Variants in ASMT observed in about 807,000 individuals in gnomAD.
The protein encoded by ASMT is acetylserotonin N-methyltransferase.
Under a neutral mutation model 41.3 loss-of-function variants are expected in ASMT, and 53 were observed. That is an observed-to-expected ratio of 1.28 (90% CI 1.03 to 1.61). The LOEUF (loss-of-function observed/expected upper bound fraction) is 1.61. Ranked by LOEUF, ASMT falls within the 40% of genes most tolerant of loss-of-function variation. The pLI is 0.00. For synonymous variants in ASMT, 231 were observed against 184.8 expected (o/e 1.25, Z -2.03); for missense variants, 531 against 441.3 (o/e 1.20, Z -1.82).
chrX:1,628,932 T>TTC (rs202119062), intron 4 of ASMT, among the ~76,000 whole-genome samples: 2,921 of 146,178 alleles, frequency 0.02, 79 homozygotes, highest in African/African-American at 0.07. Context: ...CTCTCTTTCT[T>TTC]TCTCTCTCTC....
intron 1 of ASMT, 113 bp from the exon 2 acceptor site, chrX:1,623,026 A>T: frequency 1.0e-6 from 1 of 988,054 alleles, no homozygotes. Context: ...AATGAATAAG[A>T]ATATAAATAA....
chrX:1,635,146 T>G (rs1361631946), intron 7 of ASMT, among the ~76,000 whole-genome samples: 3 of 150,224 alleles, frequency 2.0e-5, no homozygotes, highest in African/African-American at 7.4e-5. Flanking sequence ...AGCTAATTTT[T>G]TTTTTTTTTT....
At position 1,637,012 on chromosome X, in the gene ASMT, G is replaced by A. The variant is rs866238180; in HGVS notation, c.910+452G>A. Among the ~76,000 whole-genome samples the A allele has an allele frequency of 2.4e-4, 15 of 62,118 alleles. 1 individual carries two copies. The highest frequency in any genetic ancestry group is 8.1e-3 in the Middle Eastern group (1 of 124). 40.8% of individuals were successfully genotyped at this position (62,118 alleles called of 152,430 possible). A position where few individuals can be genotyped will look rare whatever the true frequency, so the allele number is the denominator to read the frequency against. On this transcript the variant is annotated intron_variant, in intron 8 of 8. Transcript: ENST00000381241. ...ACAGCCTCTGTGTGTGATGGGGACA[G>A]TGTCCCAGCTCTCCTGTGAGGTCCA...
rs199983242 is a variant in ASMT, at chrX:1,636,526, C to T, written c.876C>T (p.His292=). The T allele has an allele frequency of 1.2e-6, 2 of 1,613,814 alleles. No homozygotes were observed. Among genetic ancestry groups the T allele is most frequent in the East Asian group, 2.2e-5 (1 of 44,878 alleles). The change falls in exon 8 of 9, where the codon CAC becomes CAT. Residue 292 remains histidine (H), a synonymous_variant. Transcript: ENST00000381241. The part of the protein sequence containing the change: ...LHDWADGKCS[H]LLERIYHTCK... ...ACTGGGCAGACGGAAAGTGCTCACACCTGCTGGAGAGGATCTACCACACTT... is the reference window on the plus strand; with the variant it reads ...ACTGGGCAGACGGAAAGTGCTCACATCTGCTGGAGAGGATCTACCACACTT...
At chrX:1,621,117 G>C (rs183805105) in intron 1 of ASMT, among the ~76,000 whole-genome samples, 1 of 152,028 alleles carries the variant, frequency 6.6e-6, no homozygotes, top group Admixed American at 6.6e-5. Flanking sequence ...CAAACAAAAA[G>C]ATAGTGGTAG....
rs1330663748 is a variant in ASMT, at chrX:1,625,104, C to CTTTTTTTTTT, written c.374+709_374+710insTTTTTTTTTT. On this transcript the variant is annotated intron_variant, in intron 3 of 8. Transcript: ENST00000381241. Reference sequence around the variant, plus strand: ...TTTTCTTTGTTTTTTCTTTTCTTTTCTTTCTTTTTTTTTTTTTTGAGATGG... The same window carrying CTTTTTTTTTT: ...TTTTCTTTGTTTTTTCTTTTCTTTTCTTTTTTTTTTTTTCTTTTTTTTTTTTTTGAGATGG... Among the ~76,000 whole-genome samples the CTTTTTTTTTT allele has an allele frequency of 1.6e-5, 2 of 127,354 alleles. 1 individual carries two copies. The highest frequency in any genetic ancestry group is 1.7e-4 in the Admixed American group (2 of 11,682). The allele number at this position is 127,354 out of a possible 152,430, so 83.5% of individuals were successfully genotyped here.
At chrX:1,622,667 A>C (rs1418227342) in intron 1 of ASMT, among the ~76,000 whole-genome samples, 2 of 151,640 alleles carry the variant, frequency 1.3e-5, no homozygotes, top group Admixed American at 1.3e-4. Flanking sequence ...TCATCCCAGC[A>C]CTTTGGGAGG....
chrX:1,623,385 G>T, intron 2 of ASMT, 72 bp downstream of exon 2: 1 of 1,575,372 alleles, frequency 6.3e-7, no homozygotes, highest in Non-Finnish European at 8.7e-7. Flanking sequence ...TCTGTAAAAA[G>T]TGAAACAGTC....
Position 1,636,509 on chromosome X carries a change from G to A in ASMT, c.859G>A (p.Asp287Asn). The change falls in exon 8 of 9, where the codon GAC becomes AAC. Residue 287 changes from aspartate (D) to asparagine (N), a missense_variant. Asp to Asn is a conservative substitution (Grantham distance 23). Coordinates refer to ENST00000381241, the MANE Select transcript of ASMT (RefSeq NM_001171038.2). The part of the protein sequence containing the change: ...ILARVLHDWA[D>N]GKCSHLLERI... ...GGCCAGGGTCCTCCATGACTGGGCA[G>A]ACGGAAAGTGCTCACACCTGCTGGA... The A allele has an allele frequency of 1.2e-6, 2 of 1,613,952 alleles. No homozygotes were observed. The highest frequency in any genetic ancestry group is 1.7e-6 in the Non-Finnish European group (2 of 1,179,876).
In ASMT at chrX:1,615,260, G is replaced by T. The variant is rs774990880; in HGVS notation, c.61G>T (p.Val21Leu). 2 of 1,592,806 alleles carry T rather than the reference G, an allele frequency of 1.3e-6. No homozygotes were observed. Among genetic ancestry groups the T allele is most frequent in the East Asian group, 4.5e-5 (2 of 44,094 alleles). ...LLNDYANGFM[V>L]SQVLFAACEL... is the part of the protein sequence containing the mutation. The stretch of plus-strand genomic sequence containing the variant: ...TAATGACTACGCCAACGGCTTCATG[G>T]TGTCCCAGGTAGGATACGCTCTGTG... The change falls in exon 1 of 9, where the codon GTG becomes TTG. Residue 21 changes from valine (V) to leucine (L), a missense_variant. Val to Leu is a conservative substitution (Grantham distance 32). Transcript: ENST00000381241.
intron 8 of ASMT, among the ~76,000 whole-genome samples, chrX:1,641,133 GC>G (rs1192523215): frequency 0.01 from 22 of 2,128 alleles, no homozygotes; most frequent in African/African-American, 0.03. Flanking sequence ...CCATGTCCCA[GC>G]TCTCCTGTGA....
At chrX:1,617,171 T>C (rs1439942677) in intron 1 of ASMT, among the ~76,000 whole-genome samples, 1 of 151,768 alleles carries the variant, frequency 6.6e-6, no homozygotes, top group Non-Finnish European at 1.5e-5. Flanking sequence ...ATACTGAGTC[T>C]CTTTAAAAAA....
At chrX:1,625,122 T>TTTTG (rs1934483579) in intron 3 of ASMT, among the ~76,000 whole-genome samples, 2 of 137,838 alleles carry the variant, frequency 1.5e-5, no homozygotes, top group Non-Finnish European at 3.1e-5. Flanking sequence ...TTTTTTTTTT[T>TTTTG]GAGATGGAGT....
intron 5 of ASMT, among the ~76,000 whole-genome samples, chrX:1,630,974 A>C (rs1260520924): frequency 7.0e-6 from 1 of 143,216 alleles, no homozygotes; most frequent in African/African-American, 2.7e-5. Flanking sequence ...GCAGTGGTGC[A>C]ATCTCCACTC....
At position 1,629,940 on chromosome X, in the gene ASMT, G is replaced by A. The variant is rs1346859452; in HGVS notation, c.562+1G>A. 3 of 1,612,326 alleles carry A rather than the reference G, an allele frequency of 1.9e-6. No individual in the cohort carries two copies. The highest frequency in any genetic ancestry group is 1.7e-5 in the Admixed American group (1 of 59,978). On this transcript the variant is annotated splice_donor_variant, in intron 5 of 8. Coordinates refer to ENST00000381241, the MANE Select transcript of ASMT (RefSeq NM_001171038.2). LOFTEE classifies it high-confidence loss of function. ...TTCCCACTTATGTGTGACCTTGGTG[G>A]TAAGTACCCCTCACCACTAATACCT...
rs1177310896 is a variant in ASMT at position 1,627,623 on chromosome X, CGAAATGAAACGAAATGAAATGAAAT to C, written c.375-70_375-46del. 5.0e-5 allele frequency: 56 copies of C among 1,126,770 alleles called. No individual in the cohort carries two copies. In the African/African-American group the frequency reaches 7.6e-4, roughly 15 times the overall value. The allele number at this position is 1,126,770 out of a possible 1,614,324, so 69.8% of individuals were successfully genotyped here. A position where few individuals can be genotyped will look rare whatever the true frequency, so the allele number is the denominator to read the frequency against. ...GCTACAGAGCTGAAATGAAATGAAACGAAATGAAACGAAATGAAATGAAATGAAATGAAATGAAATGAAATGAAAT... is the reference window on the plus strand; with the variant it reads ...GCTACAGAGCTGAAATGAAATGAAACGAAATGAAATGAAATGAAATGAAAT... On this transcript the variant is annotated intron_variant, in intron 3 of 8. Coordinates refer to ENST00000381241, the MANE Select transcript of ASMT (RefSeq NM_001171038.2).
At position 1,619,549 on chromosome X, in the gene ASMT, TATAATAATA is replaced by T. The variant is rs745727836; in HGVS notation, c.70-3558_70-3550del. On this transcript the variant is annotated intron_variant, in intron 1 of 8. Coordinates refer to ENST00000381241, the MANE Select transcript of ASMT (RefSeq NM_001171038.2). ...TGCACATGTACCCCAGAACTTAAAG[TATAATAATA>T]ATAATAATAATAATAATAATAATAA... 3.0e-3 allele frequency among the ~76,000 whole-genome samples: 391 copies of T among 129,832 alleles called. 5 individuals carry two copies. Among genetic ancestry groups the T allele is most frequent in the African/African-American group, 9.9e-3 (328 of 33,296 alleles). The allele number at this position is 129,832 out of a possible 152,430, so 85.2% of individuals were successfully genotyped here.
intron 1 of ASMT, among the ~76,000 whole-genome samples, chrX:1,619,349 A>G (rs1297430482): frequency 1.8e-4 from 27 of 149,306 alleles, no homozygotes; most frequent in East Asian, 1.4e-3. Flanking sequence ...AGCCGAGATC[A>G]CGCCACTGCA....
rs1482807561 is a variant in ASMT, at chrX:1,616,699, C to T, written c.69+1431C>T. On this transcript the variant is annotated intron_variant, in intron 1 of 8. Transcript: ENST00000381241. ...AGTCTGGGCAACATAGTGAGACCCC[C>T]CATTTCTACAAATTCTTTTTTCTTT... Among the ~76,000 whole-genome samples, 5 of 151,100 alleles carry T rather than the reference C, an allele frequency of 3.3e-5. No individual in the cohort carries two copies. In the South Asian group the frequency reaches 8.3e-4, roughly 25 times the overall value.
Sources: allele counts gnomAD v4.1 joint callset (sites outside exome capture counted in the v4.1 genomes callset), GRCh38; gene constraint gnomAD v4.1.1; transcripts MANE v1.5; gene names NCBI Gene and HGNC (gene_info 2026-07-23, HGNC 2026-07-21).